Variants in PTPRG observed in about 807,000 individuals in gnomAD.
The protein encoded by PTPRG is receptor-type tyrosine-protein phosphatase gamma.
PTPRG carries 102 observed loss-of-function variants against 165.3 expected under a neutral mutation model. That is an observed-to-expected ratio of 0.62 (90% CI 0.53 to 0.73). The LOEUF (loss-of-function observed/expected upper bound fraction) is 0.73. Ranked by LOEUF, PTPRG falls within the 30% of genes least tolerant of loss-of-function variation. The pLI, the probability that PTPRG is intolerant of heterozygous loss-of-function variation, is 0.00. For synonymous variants in PTPRG, 675 were observed against 669.5 expected (o/e 1.01, Z -0.13); for missense variants, 1,866 against 1,861.4 (o/e 1.00, Z -0.05).
chr3:61,591,092 A>G (rs1028983716), intron 1 of PTPRG, among the ~76,000 whole-genome samples: 6 of 152,270 alleles, frequency 3.9e-5, no homozygotes, highest in Non-Finnish European at 8.8e-5. Context: ...TCCCAAAAAA[A>G]GAAATGCTGC....
intron 12 of PTPRG, among the ~76,000 whole-genome samples, chr3:62,209,283 G>A (rs948692788): frequency 1.3e-5 from 2 of 152,156 alleles, no homozygotes; most frequent in Non-Finnish European, 2.9e-5. Flanking sequence ...GTTGCTAAAC[G>A]TCATATGGCG....
At chr3:61,636,350 C>T (rs1362200499) in intron 1 of PTPRG, among the ~76,000 whole-genome samples, 3 of 152,182 alleles carry the variant, frequency 2.0e-5, no homozygotes, top group Non-Finnish European at 4.4e-5. Context: ...CACCTCCAGC[C>T]CTAAGCATCT....
intron 1 of PTPRG, among the ~76,000 whole-genome samples, chr3:61,701,275 T>C (rs2030940477): frequency 6.6e-6 from 1 of 152,186 alleles, no homozygotes. Context: ...AGCTGTGTGA[T>C]ACTTCTCACA....
chr3:62,113,518 A>C (rs1294995857), intron 5 of PTPRG, among the ~76,000 whole-genome samples: 1 of 152,244 alleles, frequency 6.6e-6, no homozygotes, highest in Non-Finnish European at 1.5e-5. Context: ...ATATATAAAA[A>C]TATGAAAATT....
intron 17 of PTPRG, among the ~76,000 whole-genome samples, chr3:62,264,741 C>T (rs1020927916): frequency 7.9e-5 from 12 of 152,060 alleles, no homozygotes; most frequent in African/African-American, 2.4e-4. Context: ...GTATGAATAC[C>T]GCTATGAGCA....
intron 4 of PTPRG, among the ~76,000 whole-genome samples, chr3:62,014,952 CAGTCCTGAGACATATTCTAGGGCTAACAT>C (rs1278586783): frequency 6.6e-6 from 1 of 152,206 alleles, no homozygotes; most frequent in Non-Finnish European, 1.5e-5. Flanking sequence ...TGGGCTATCA[CAGTCCTGAGACATATTCTAGGGCTAACAT>C]AGTCCTGAGA....
intron 2 of PTPRG, among the ~76,000 whole-genome samples, chr3:61,913,956 AT>A (rs2038867918): frequency 6.6e-6 from 1 of 152,164 alleles, no homozygotes; most frequent in South Asian, 2.1e-4. Context: ...ATCGGTCCAA[AT>A]TTACTAAAGA....
intron 2 of PTPRG, among the ~76,000 whole-genome samples, chr3:61,837,097 A>G (rs1298664267): frequency 1.3e-5 from 2 of 152,100 alleles, no homozygotes; most frequent in Non-Finnish European, 2.9e-5. Context: ...GTATTTTTGT[A>G]AAGATGGGTT....
At chr3:62,053,840 A>G (rs914429479) in intron 4 of PTPRG, among the ~76,000 whole-genome samples, 1 of 152,190 alleles carries the variant, frequency 6.6e-6, no homozygotes, top group Non-Finnish European at 1.5e-5. Context: ...TGCTGGTTAG[A>G]TAATTTGACT....
intron 2 of PTPRG, among the ~76,000 whole-genome samples, chr3:61,878,443 C>T (rs2037801271): frequency 6.6e-6 from 1 of 152,034 alleles, no homozygotes; most frequent in South Asian, 2.1e-4. Context: ...TTTTAGTTTG[C>T]ATTTCTATTT....
chr3:61,650,847 G>T (rs1702328815), intron 1 of PTPRG, among the ~76,000 whole-genome samples: 1 of 152,028 alleles, frequency 6.6e-6, no homozygotes, highest in Non-Finnish European at 1.5e-5. Context: ...CCACTGTTTG[G>T]TTTTATAGCT....
chr3:62,025,922 A>T (rs2041793970), intron 4 of PTPRG, among the ~76,000 whole-genome samples: 1 of 152,212 alleles, frequency 6.6e-6, no homozygotes, highest in Non-Finnish European at 1.5e-5. Flanking sequence ...ATACATTTCT[A>T]ATCACAAGTT....
chr3:62,215,317 C>T (rs1700469798), intron 12 of PTPRG, among the ~76,000 whole-genome samples: 1 of 152,156 alleles, frequency 6.6e-6, no homozygotes, highest in African/African-American at 2.4e-5. Flanking sequence ...TATCATGCCC[C>T]ACATGAAAAT....
intron 2 of PTPRG, among the ~76,000 whole-genome samples, chr3:61,894,447 CTG>C (rs995971756): frequency 6.7e-6 from 1 of 149,586 alleles, no homozygotes; most frequent in African/African-American, 2.5e-5. Flanking sequence ...AATAAAAAGA[CTG>C]GAGTAAAAAT....
intron 1 of PTPRG, among the ~76,000 whole-genome samples, chr3:61,674,097 G>T (rs1703130472): frequency 6.6e-6 from 1 of 151,822 alleles, no homozygotes; most frequent in African/African-American, 2.4e-5. Context: ...GGGTTGATGG[G>T]TGCAGCAAAC....
chr3:62,093,494 G>A (rs550205154), intron 5 of PTPRG, among the ~76,000 whole-genome samples: 13 of 152,336 alleles, frequency 8.5e-5, no homozygotes, highest in Middle Eastern at 3.4e-3. Context: ...GGAGGGGAGC[G>A]TGGTCATTTG....
intron 2 of PTPRG, among the ~76,000 whole-genome samples, chr3:61,988,489 C>G (rs1393410145): frequency 6.6e-6 from 1 of 152,118 alleles, no homozygotes; most frequent in African/African-American, 2.4e-5. Context: ...AGTAGTTAGA[C>G]TTACCTACTA....
At chr3:62,103,199 T>C (rs1702352831) in intron 5 of PTPRG, among the ~76,000 whole-genome samples, 1 of 148,396 alleles carries the variant, frequency 6.7e-6, no homozygotes, top group Non-Finnish European at 1.5e-5. Flanking sequence ...ACCTCAAGAC[T>C]GTGATCTTTC....
intron 1 of PTPRG, among the ~76,000 whole-genome samples, chr3:61,690,110 G>A (rs1011305399): frequency 8.5e-5 from 13 of 152,148 alleles, no homozygotes; most frequent in African/African-American, 2.9e-4. Context: ...CCTGGGTTTG[G>A]TGATGCCAGA....
Sources: gnomAD v4.1 joint callset for allele counts (sites outside exome capture counted in the v4.1 genomes callset) on GRCh38, gnomAD v4.1.1 for gene constraint, MANE v1.5 for transcripts, NCBI Gene and HGNC (gene_info 2026-07-23, HGNC 2026-07-21) for gene names.